Variants in PIK3R3 observed in about 807,000 individuals in gnomAD.
The protein encoded by PIK3R3 is phosphoinositide-3-kinase regulatory subunit 3.
Under a neutral mutation model 62.9 loss-of-function variants are expected in PIK3R3, and 64 were observed. The observed-to-expected ratio is 1.02, with a 90% CI of 0.83 to 1.25. The LOEUF is 1.25. Ranked by LOEUF, PIK3R3 falls within the 50% of genes most tolerant of loss-of-function variation. The pLI, the probability that PIK3R3 is intolerant of heterozygous loss-of-function variation, is 0.00. For synonymous variants in PIK3R3, 165 were observed against 189.0 expected, an observed-to-expected ratio of 0.87 and a Z score of 1.04; for missense variants, 614 against 561.6, an observed-to-expected ratio of 1.09 and a Z score of -0.94.
intron 1 of PIK3R3, among the ~76,000 whole-genome samples, chr1:46,107,427 A>G (rs1275515528): frequency 6.6e-6 from 1 of 152,064 alleles, no homozygotes; most frequent in African/African-American, 2.4e-5. Context: ...ATACTAGACT[A>G]TTACAGAGTA....
At chr1:46,106,185 C>G (rs1309121700) in intron 1 of PIK3R3, among the ~76,000 whole-genome samples, 5 of 152,194 alleles carry the variant, frequency 3.3e-5, no homozygotes, top group Non-Finnish European at 5.9e-5. Context: ...TTACTGCAGC[C>G]TTGACCTTCC....
At chr1:46,138,389 G>T in the PIK3R3 span, among the ~76,000 whole-genome samples, 1 of 152,228 alleles carries the variant, frequency 6.6e-6, no homozygotes, top group Admixed American at 6.5e-5. Context: ...ACCAGGCATG[G>T]TGGCTCACGC....
intron 6 of PIK3R3, chr1:46,056,461 C>G (rs113666876): frequency 6.6e-6 from 1 of 152,538 alleles, no homozygotes; most frequent in Non-Finnish European, 1.5e-5. Context: ...TTCATTCCCC[C>G]GTCTCAGATC....
At position 46,073,677 on chromosome 1, in the gene PIK3R3, T is replaced by C. The variant is rs545889481; in HGVS notation, c.314+3838A>G. On this transcript the variant is annotated intron_variant, in intron 3 of 9. Coordinates refer to ENST00000262741, the MANE Select transcript of PIK3R3 (RefSeq NM_003629.4). ...CTCTGTCACCCAGGCCGGAGTGCAGTGGCGCGATCTTGGCTCACTGCAACC... is the reference window on the plus strand; with the variant it reads ...CTCTGTCACCCAGGCCGGAGTGCAGCGGCGCGATCTTGGCTCACTGCAACC... 2.0e-5 allele frequency among the ~76,000 whole-genome samples: 3 copies of C among 152,144 alleles called. No homozygotes were observed. In the South Asian group the frequency reaches 6.2e-4, roughly 32 times the overall value.
intron 1 of PIK3R3, among the ~76,000 whole-genome samples, chr1:46,081,594 A>C (rs1650597191): frequency 6.6e-6 from 1 of 152,156 alleles, no homozygotes; most frequent in Non-Finnish European, 1.5e-5. Flanking sequence ...CAATACCCCC[A>C]GCCTAACCCC....
chr1:46,160,503 A>G, the PIK3R3 span, among the ~76,000 whole-genome samples: 1 of 152,200 alleles, frequency 6.6e-6, no homozygotes, highest in African/African-American at 2.4e-5. Context: ...TTAACAGAAA[A>G]CCCAGGCAGC....
intron 1 of PIK3R3, among the ~76,000 whole-genome samples, chr1:46,084,859 A>C (rs150127564): frequency 6.6e-4 from 101 of 152,366 alleles, no homozygotes; most frequent in African/African-American, 2.3e-3. Flanking sequence ...TAGTGATTTG[A>C]GTACATGACC....
intron 3 of PIK3R3, among the ~76,000 whole-genome samples, chr1:46,074,286 C>CCAAAAAAA (rs1649840466): frequency 4.8e-5 from 1 of 20,826 alleles, no homozygotes; most frequent in South Asian, 3.2e-3. Flanking sequence ...TAGACTCCGT[C>CCAAAAAAA]AAAAAAAAAA....
chr1:46,046,800 A>G (rs1388957516), intron 7 of PIK3R3, 175 bp from the exon 8 acceptor site: 2 of 576,376 alleles, frequency 3.5e-6, no homozygotes, highest in Non-Finnish European at 6.1e-6. Context: ...TTCAACTACT[A>G]TCAAGATGAA....
At chr1:46,147,167 G>C in the PIK3R3 span, among the ~76,000 whole-genome samples, 1 of 152,152 alleles carries the variant, frequency 6.6e-6, no homozygotes, top group Non-Finnish European at 1.5e-5. Flanking sequence ...GGAGTGCATT[G>C]ACATGATCTC....
chr1:46,142,453 C>T, the PIK3R3 span, among the ~76,000 whole-genome samples: 438 of 152,308 alleles, frequency 2.9e-3, 4 homozygotes, highest in African/African-American at 0.01. Context: ...AATCCCAGCA[C>T]TTTGGGAGGC....
At chr1:46,071,496 G>A (rs372662017) in intron 3 of PIK3R3, among the ~76,000 whole-genome samples, 9 of 151,138 alleles carry the variant, frequency 6.0e-5, no homozygotes, top group East Asian at 3.9e-4. Flanking sequence ...AGGAGTTCAA[G>A]ACCAACCTGG....
At chr1:46,172,052 C>T in the PIK3R3 span, among the ~76,000 whole-genome samples, 24 of 152,116 alleles carry the variant, frequency 1.6e-4, no homozygotes, top group Non-Finnish European at 3.1e-4. Flanking sequence ...CTGGCTGGAG[C>T]GGGAAGCCCT....
intron 1 of PIK3R3, among the ~76,000 whole-genome samples, chr1:46,125,855 G>A (rs1298610969): frequency 6.6e-6 from 1 of 151,762 alleles, no homozygotes; most frequent in Non-Finnish European, 1.5e-5. Context: ...CCGCCTCCCG[G>A]GTTCATGCCA....
At chr1:46,152,075 C>T in the PIK3R3 span, among the ~76,000 whole-genome samples, 3 of 152,232 alleles carry the variant, frequency 2.0e-5, no homozygotes, top group East Asian at 1.9e-4. Context: ...GTTTCCTCTG[C>T]CTTCTATAAG....
chr1:46,103,044 T>C (rs1025817456), intron 1 of PIK3R3, among the ~76,000 whole-genome samples: 7 of 152,260 alleles, frequency 4.6e-5, no homozygotes, highest in African/African-American at 1.4e-4. Flanking sequence ...CTTGAAGACA[T>C]TATACTGAGT....
the PIK3R3 span, among the ~76,000 whole-genome samples, chr1:46,162,479 A>T: frequency 7.9e-5 from 12 of 152,110 alleles, no homozygotes; most frequent in South Asian, 2.1e-4. Context: ...TCAAATAAAT[A>T]AATTAATTAA....
At chr1:46,092,403 G>A (rs980175813) in intron 1 of PIK3R3, among the ~76,000 whole-genome samples, 10 of 152,060 alleles carry the variant, frequency 6.6e-5, no homozygotes, top group Non-Finnish European at 1.0e-4. Context: ...TCGCTCTGTC[G>A]CCCAGGCTGG....
At chr1:46,104,179 C>T (rs780553187) in intron 1 of PIK3R3, among the ~76,000 whole-genome samples, 10 of 152,104 alleles carry the variant, frequency 6.6e-5, no homozygotes, top group Admixed American at 1.3e-4. Context: ...CCACTCGCCT[C>T]GGACTTCCAA....
Sources: allele counts gnomAD v4.1 joint callset (sites outside exome capture counted in the v4.1 genomes callset), GRCh38; gene constraint gnomAD v4.1.1; transcripts MANE v1.5; gene names NCBI Gene and HGNC (gene_info 2026-07-23, HGNC 2026-07-21).